The following NEGR1 variants were observed in gnomAD, a reference collection of about 807,000 sequenced individuals.
The protein encoded by NEGR1 is neuronal growth regulator 1.
In NEGR1, 10 loss-of-function variants were observed where a neutral mutation model predicts 40.9. The observed-to-expected ratio is 0.24, with a 90% CI of 0.15 to 0.42. The LOEUF is 0.42. Ranked by LOEUF, NEGR1 falls within the 10% of genes least tolerant of loss-of-function variation. NEGR1 has a pLI of 1.00. For synonymous variants in NEGR1, 185 were observed against 166.8 expected, an observed-to-expected ratio of 1.11 and a Z score of -0.84; for missense variants, 352 against 438.9, an observed-to-expected ratio of 0.80 and a Z score of 1.77.
intron 3 of NEGR1, among the ~76,000 whole-genome samples, chr1:71,748,666 G>C (rs1655466559): frequency 6.6e-6 from 1 of 151,958 alleles, no homozygotes; most frequent in African/African-American, 2.4e-5. Flanking sequence ...ATTTATTTCT[G>C]CCTTTTAAAA....
intron 1 of NEGR1, among the ~76,000 whole-genome samples, chr1:71,962,167 C>T (rs911152156): frequency 1.3e-5 from 2 of 151,986 alleles, no homozygotes; most frequent in Admixed American, 1.3e-4. Flanking sequence ...TATTATTACA[C>T]CCTCTTTCCT....
At position 71,976,388 on chromosome 1, in the gene NEGR1, A is replaced by C. The variant is rs537709218; in HGVS notation, c.177-41077T>G. ...GGTGGGTGTCTTAGATATTACTCTG[A>C]AATTTCAGTGCTATTGTTTTATTTT... On this transcript the variant is annotated intron_variant, in intron 1 of 6. Coordinates refer to ENST00000357731, the MANE Select transcript of NEGR1 (RefSeq NM_173808.3). Among the ~76,000 whole-genome samples the C allele has an allele frequency of 1.5e-4, 23 of 152,326 alleles. 1 individual carries two copies. Among genetic ancestry groups the C allele is most frequent in the African/African-American group, 5.5e-4 (23 of 41,594 alleles).
rs1043528867 is a variant in NEGR1 at position 71,681,938 on chromosome 1, T to C, written c.667+16070A>G. 3.9e-5 allele frequency among the ~76,000 whole-genome samples: 6 copies of C among 152,178 alleles called. No individual in the cohort carries two copies. In the South Asian group the frequency reaches 1.2e-3, roughly 31 times the overall value. ...ACCTCCAGGGTTCAAGCGATTCTCA[T>C]GCCACAGCCTCTCAAGAAGCTGGGA... On this transcript the variant is annotated intron_variant, in intron 4 of 6. Coordinates refer to ENST00000357731, the MANE Select transcript of NEGR1 (RefSeq NM_173808.3).
intron 4 of NEGR1, among the ~76,000 whole-genome samples, chr1:71,689,824 A>G (rs1228713481): frequency 6.6e-6 from 1 of 151,088 alleles, no homozygotes; most frequent in Admixed American, 6.6e-5. Flanking sequence ...AATAAATATA[A>G]TTAAATAAAT....
chr1:72,253,475 T>C (rs556982810), intron 1 of NEGR1, among the ~76,000 whole-genome samples: 1 of 151,744 alleles, frequency 6.6e-6, no homozygotes, highest in South Asian at 2.1e-4. Flanking sequence ...ATTGCTTCAA[T>C]ATATTATTAT....
chr1:71,787,177 C>T (rs533345479), intron 2 of NEGR1, among the ~76,000 whole-genome samples: 14 of 152,266 alleles, frequency 9.2e-5, no homozygotes, highest in South Asian at 2.1e-4. Context: ...AAAGCAACCA[C>T]GTTTGGGCAC....
chr1:71,909,408 T>C (rs1661364384), intron 2 of NEGR1, among the ~76,000 whole-genome samples: 1 of 152,226 alleles, frequency 6.6e-6, no homozygotes, highest in Admixed American at 6.5e-5. Context: ...AACCATAGCC[T>C]TTTAATGTTT....
At chr1:71,788,892 G>T (rs899726892) in intron 2 of NEGR1, among the ~76,000 whole-genome samples, 3 of 151,964 alleles carry the variant, frequency 2.0e-5, no homozygotes, top group African/African-American at 7.2e-5. Context: ...TGTAATAAAA[G>T]AGTTGTTTTC....
chr1:71,450,456 T>C (rs1407502402), intron 6 of NEGR1, among the ~76,000 whole-genome samples: 3 of 152,208 alleles, frequency 2.0e-5, no homozygotes, highest in Non-Finnish European at 4.4e-5. Context: ...GGACTTCTAA[T>C]ACATAATATT....
In NEGR1 at chr1:71,710,130, T is replaced by A. The variant is rs1049171905; in HGVS notation, c.536-11991A>T. Among the ~76,000 whole-genome samples, 4 of 152,292 alleles carry A rather than the reference T, an allele frequency of 2.6e-5. No homozygotes were observed. The South Asian group carries it at 6.2e-4, about 24-fold the overall frequency. The stretch of plus-strand genomic sequence containing the variant: ...AGACATACAAATAGCAAACAGGCAT[T>A]TGAAAAGGCAATCAACATCATTGGT... On this transcript the variant is annotated intron_variant, in intron 3 of 6. Transcript: ENST00000357731.
chr1:72,123,899 A>G (rs908148686), intron 1 of NEGR1, among the ~76,000 whole-genome samples: 4 of 152,022 alleles, frequency 2.6e-5, no homozygotes, highest in African/African-American at 9.7e-5. Flanking sequence ...GTGAAGTACA[A>G]CTGTTGGCCT....
At chr1:72,245,025 T>C (rs141570701) in intron 1 of NEGR1, among the ~76,000 whole-genome samples, 72 of 152,148 alleles carry the variant, frequency 4.7e-4, no homozygotes, top group African/African-American at 1.6e-3. Context: ...CATGTATTTA[T>C]AGTACGAGAG....
At chr1:72,267,373 A>G (rs1331267303) in intron 1 of NEGR1, among the ~76,000 whole-genome samples, 2 of 151,178 alleles carry the variant, frequency 1.3e-5, no homozygotes, top group South Asian at 4.1e-4. Context: ...AAAGGTGAAC[A>G]GGAATTTTAA....
At chr1:71,506,544 G>C (rs1647036007) in intron 6 of NEGR1, among the ~76,000 whole-genome samples, 4 of 152,094 alleles carry the variant, frequency 2.6e-5, no homozygotes, top group Admixed American at 2.6e-4. Flanking sequence ...AAGCCAGGAA[G>C]TGGTTAACAT....
chr1:71,953,842 T>G (rs1646094257), intron 1 of NEGR1, among the ~76,000 whole-genome samples: 2 of 151,978 alleles, frequency 1.3e-5, no homozygotes, highest in Non-Finnish European at 2.9e-5. Context: ...TTTTTAGACA[T>G]AATGCTATTG....
chr1:71,789,085 C>T (rs541070941), intron 2 of NEGR1, among the ~76,000 whole-genome samples: 2 of 152,064 alleles, frequency 1.3e-5, no homozygotes, highest in African/African-American at 2.4e-5. Context: ...ATGTTGTAGC[C>T]GTCTAAATAG....
At chr1:71,949,243 AC>A (rs1035077788) in intron 1 of NEGR1, among the ~76,000 whole-genome samples, 2 of 152,108 alleles carry the variant, frequency 1.3e-5, no homozygotes, top group Non-Finnish European at 2.9e-5. Context: ...TAAGCACCTA[AC>A]CTTAGATGTC....
At chr1:72,084,303 C>G (rs1215139469) in intron 1 of NEGR1, among the ~76,000 whole-genome samples, 1 of 152,176 alleles carries the variant, frequency 6.6e-6, no homozygotes, top group Non-Finnish European at 1.5e-5. Flanking sequence ...ACCCTAGGCA[C>G]AGATGCACAA....
chr1:71,937,108 G>A (rs1178050987), intron 1 of NEGR1, among the ~76,000 whole-genome samples: 1 of 152,114 alleles, frequency 6.6e-6, no homozygotes, highest in Non-Finnish European at 1.5e-5. Context: ...ACTAATCAGT[G>A]GGTGAAAAAG....
Sources: allele counts gnomAD v4.1 joint callset (sites outside exome capture counted in the v4.1 genomes callset), GRCh38; gene constraint gnomAD v4.1.1; transcripts MANE v1.5; gene names NCBI Gene and HGNC (gene_info 2026-07-23, HGNC 2026-07-21).